The following TTC34 variants were observed in gnomAD, a reference collection of about 807,000 sequenced individuals.
The protein encoded by TTC34 is tetratricopeptide repeat protein 34.
Under a neutral mutation model 40.7 loss-of-function variants are expected in TTC34, and 44 were observed. The ratio of observed to expected loss-of-function variants is 1.08; its 90% CI spans 0.85 to 1.39. TTC34 has a LOEUF of 1.39. TTC34 is among the 40% of genes most tolerant of loss of function. TTC34 has a pLI of 0.00. For synonymous variants in TTC34, 422 were observed against 398.6 expected, an observed-to-expected ratio of 1.06 and a Z score of -0.70; for missense variants, 884 against 838.0, an observed-to-expected ratio of 1.05 and a Z score of -0.68.
intron 6 of TTC34, among the ~76,000 whole-genome samples, chr1:2,758,127 T>C (rs1641567222): frequency 1.7e-5 from 2 of 114,292 alleles, no homozygotes; most frequent in Non-Finnish European, 3.4e-5. Flanking sequence ...CAGGTGAGCA[T>C]CTGACATCCT....
At chr1:2,783,160 T>C (rs1407472036) in intron 6 of TTC34, among the ~76,000 whole-genome samples, 4 of 152,206 alleles carry the variant, frequency 2.6e-5, no homozygotes, top group Non-Finnish European at 5.9e-5. Flanking sequence ...GCTGCATCCC[T>C]GCACCTGTCT....
intron 6 of TTC34, among the ~76,000 whole-genome samples, chr1:2,779,296 A>C (rs1643437582): frequency 6.6e-6 from 1 of 152,046 alleles, no homozygotes. Flanking sequence ...CCAGATGTGG[A>C]ATTGCTTGAT....
chr1:2,681,890 G>T (rs1351344240), intron 6 of TTC34, among the ~76,000 whole-genome samples: 2 of 115,192 alleles, frequency 1.7e-5, no homozygotes, highest in African/African-American at 6.5e-5. Context: ...TGACAGCCTG[G>T]AACAACAGCC....
At chr1:2,638,010 G>A (rs891864434) in exon 9 of TTC34, 1 of 152,152 alleles carries the variant, frequency 6.6e-6, no homozygotes, top group Non-Finnish European at 1.5e-5. Context: ...CTCCTTCCAG[G>A]GGAAGCAGCT....
At chr1:2,641,786 C>T (rs1319706184) in exon 9 of TTC34, 6 of 1,535,186 alleles carry the variant, frequency 3.9e-6, no homozygotes, top group Non-Finnish European at 4.4e-6. Context: ...GGCCCGCAGA[C>T]GCAGGTGACA....
chr1:2,789,551 T>C, exon 3 of TTC34: 1 of 1,496,772 alleles, frequency 6.7e-7, no homozygotes, highest in Non-Finnish European at 8.9e-7. Flanking sequence ...CCTCCGGCCC[T>C]GCGCTCTGGA....
rs201045466 is a variant in TTC34, at chr1:2,691,277, C to A, written c.2227-45714G>T. Among the ~76,000 whole-genome samples the A allele has an allele frequency of 6.2e-5, 2 of 32,232 alleles. 1 individual carries two copies. Among genetic ancestry groups the A allele is most frequent in the African/African-American group, 2.0e-4 (2 of 10,244 alleles). 21.1% of individuals were successfully genotyped at this position (32,232 alleles called of 152,430 possible). A position where few individuals can be genotyped will look rare whatever the true frequency, so the allele number is the denominator to read the frequency against. ...GCACCCACACCCCCAGGTGAGAATC[C>A]GACAGCCTGGAGCAGCACCCACAAC... is the stretch of plus-strand genomic sequence containing the variant. On this transcript the variant is annotated intron_variant, in intron 6 of 8. Coordinates refer to ENST00000401095, the Ensembl canonical transcript of TTC34.
chr1:2,638,300 T>C (rs573605917), exon 9 of TTC34: 14 of 152,162 alleles, frequency 9.2e-5, no homozygotes, highest in Non-Finnish European at 1.2e-4. Context: ...GAGGGTAGGG[T>C]ATTAATGCAG....
intron 6 of TTC34, among the ~76,000 whole-genome samples, chr1:2,677,853 C>G (rs1401992978): frequency 2.5e-5 from 1 of 40,616 alleles, no homozygotes. Flanking sequence ...CACCCACACC[C>G]ACAGGTGAGC....
chr1:2,750,185 C>G (rs1285238140), intron 6 of TTC34, among the ~76,000 whole-genome samples: 285 of 152,136 alleles, frequency 1.9e-3, no homozygotes, highest in African/African-American at 6.6e-3. Flanking sequence ...CATCTGACAG[C>G]CTGGGTCGGC....
At chr1:2,748,399 A>AAGAGCACCCCACATCCGCGGGTGAGCAT (rs1641215943) in intron 6 of TTC34, among the ~76,000 whole-genome samples, 1 of 127,460 alleles carries the variant, frequency 7.8e-6, no homozygotes, top group Admixed American at 7.8e-5. Context: ...AACACTGACA[A>AAGAGCACCCCACATCCGCGGGTGAGCAT]CCCCAGGTGA....
chr1:2,768,976 C>T (rs1641907455), intron 6 of TTC34, among the ~76,000 whole-genome samples: 1 of 21,102 alleles, frequency 4.7e-5, no homozygotes, highest in Non-Finnish European at 9.7e-5. Flanking sequence ...GGAACAGAAC[C>T]CCAGTTCTCC....
chr1:2,700,393 G>T lies in TTC34; in HGVS notation c.2227-54830C>A, dbSNP rs1230759488. Among the ~76,000 whole-genome samples, 6 of 111,138 alleles carry T rather than the reference G, an allele frequency of 5.4e-5. 2 individuals are homozygous for T. Among genetic ancestry groups the T allele is most frequent in the Admixed American group, 2.0e-4 (2 of 10,014 alleles). The allele number at this position is 111,138 out of a possible 152,430, so 72.9% of individuals were successfully genotyped here. On this transcript the variant is annotated intron_variant, in intron 6 of 8. Coordinates refer to ENST00000401095, the Ensembl canonical transcript of TTC34. ...CACAACCCCAGGTGAGTATCTGACA[G>T]CCTGGAGCAGCACCCACACCCCTAG...
At chr1:2,687,850 C>G (rs1224787027) in intron 6 of TTC34, among the ~76,000 whole-genome samples, 18 of 148,870 alleles carry the variant, frequency 1.2e-4, no homozygotes, top group African/African-American at 3.6e-4. Flanking sequence ...CCCACACCCA[C>G]AGTTGAGCAT....
At chr1:2,646,066 C>T (rs919733443) in intron 6 of TTC34, among the ~76,000 whole-genome samples, 2 of 152,158 alleles carry the variant, frequency 1.3e-5, no homozygotes. Context: ...ACTGCTCTCC[C>T]GTAACTCCCA....
At chr1:2,684,375 A>C (rs71503013) in intron 6 of TTC34, among the ~76,000 whole-genome samples, 13 of 151,090 alleles carry the variant, frequency 8.6e-5, no homozygotes, top group African/African-American at 3.2e-4. Context: ...AGCATCTGAC[A>C]GCCTGGAACA....
At position 2,700,215 on chromosome 1, in the gene TTC34, C is replaced by A. The variant is rs544509888; in HGVS notation, c.2227-54652G>T. ...CAGCCTGGAGCAGCGCCGACCCCCC[C>A]AGGGTGAGCATCTGACAGCCTGGAG... On this transcript the variant is annotated intron_variant, in intron 6 of 8. Coordinates refer to ENST00000401095, the Ensembl canonical transcript of TTC34. Among the ~76,000 whole-genome samples, 3 of 92,558 alleles carry A rather than the reference C, an allele frequency of 3.2e-5. 1 individual carries two copies. Among genetic ancestry groups the A allele is most frequent in the Non-Finnish European group, 5.2e-5 (2 of 38,302 alleles). The allele number at this position is 92,558 out of a possible 152,430, so 60.7% of individuals were successfully genotyped here.
At chr1:2,757,233 G>C (rs1641536234) in intron 6 of TTC34, among the ~76,000 whole-genome samples, 2 of 115,200 alleles carry the variant, frequency 1.7e-5, no homozygotes, top group Admixed American at 8.3e-5. Context: ...CACACCCCCA[G>C]GTAAGCATCT....
chr1:2,691,334 A>C (rs1277617932), intron 6 of TTC34, among the ~76,000 whole-genome samples: 2 of 92,632 alleles, frequency 2.2e-5, no homozygotes, highest in East Asian at 3.0e-4. Flanking sequence ...CTGGAGCAGC[A>C]CCCACACCCC....
Sources: gnomAD v4.1 joint callset for allele counts (sites outside exome capture counted in the v4.1 genomes callset) on GRCh38, gnomAD v4.1.1 for gene constraint, MANE v1.5 for transcripts, NCBI Gene and HGNC (gene_info 2026-07-23, HGNC 2026-07-21) for gene names.